The following RIMS1 variants were observed in gnomAD, a reference collection of about 807,000 sequenced individuals.
RIMS1 encodes regulating synaptic membrane exocytosis protein 1.
RIMS1 carries 83 observed loss-of-function variants against 214.1 expected under a neutral mutation model. That is an observed-to-expected ratio of 0.39 (90% CI 0.32 to 0.47). The LOEUF is 0.47. Among genes scored for constraint, RIMS1 ranks in the 20% least tolerant of loss-of-function variants. RIMS1 has a pLI of 0.99. For missense variants in RIMS1, 2,050 were observed against 2,161.8 expected (o/e 0.95, Z 1.03); for synonymous variants, 793 against 786.8 (o/e 1.01, Z -0.13).
intron 5 of RIMS1, among the ~76,000 whole-genome samples, chr6:72,180,530 T>C (rs2048270069): frequency 6.6e-6 from 1 of 152,234 alleles, no homozygotes; most frequent in African/African-American, 2.4e-5. Context: ...GGTTACATTT[T>C]ATAGCTTTTA....
chr6:72,184,752 C>A (rs2048857519), intron 6 of RIMS1, among the ~76,000 whole-genome samples: 1 of 105,524 alleles, frequency 9.5e-6, no homozygotes, highest in South Asian at 3.4e-4. Flanking sequence ...ATGCAAGGTG[C>A]TTTATTCTGG....
At chr6:72,262,364 C>T in intron 19 of RIMS1, 1 of 976,854 alleles carries the variant, frequency 1.0e-6, no homozygotes. Flanking sequence ...AGCAAATAAT[C>T]ATATTTGTAT....
intron 1 of RIMS1, among the ~76,000 whole-genome samples, chr6:71,890,177 G>GA (rs557305030): frequency 6.6e-6 from 1 of 151,768 alleles, no homozygotes; most frequent in Non-Finnish European, 1.5e-5. Flanking sequence ...TGTATAAATG[G>GA]AAAAAAATCA....
intron 23 of RIMS1, 102 bp from the exon 24 acceptor site, chr6:72,283,945 G>A: frequency 1.2e-6 from 1 of 822,752 alleles, no homozygotes; most frequent in Non-Finnish European, 2.0e-6. Context: ...AATCATTTAG[G>A]TAATATAGTT....
At chr6:72,237,706 A>T (rs2064835362) in intron 8 of RIMS1, 117 bp from the exon 9 acceptor site, 1 of 749,172 alleles carries the variant, frequency 1.3e-6, no homozygotes, top group Non-Finnish European at 2.2e-6. Flanking sequence ...TCACTTCATT[A>T]ATGTTTCTAC....
intron 1 of RIMS1, among the ~76,000 whole-genome samples, chr6:71,943,750 T>C (rs1356912279): frequency 6.6e-6 from 1 of 152,214 alleles, no homozygotes; most frequent in African/African-American, 2.4e-5. Flanking sequence ...ATAGTTATTT[T>C]GCTTCCAAAT....
chr6:72,066,613 T>C (rs1010180535), intron 2 of RIMS1, among the ~76,000 whole-genome samples: 6 of 152,202 alleles, frequency 3.9e-5, no homozygotes, highest in African/African-American at 1.4e-4. Context: ...TTCTCTTCTG[T>C]AAAACTGAGA....
At chr6:72,198,521 G>A (rs919135771) in intron 6 of RIMS1, among the ~76,000 whole-genome samples, 8 of 151,792 alleles carry the variant, frequency 5.3e-5, no homozygotes. Flanking sequence ...GGAGAGGGAT[G>A]GAAAAGAGAG....
At chr6:71,920,247 A>C (rs1429015269) in intron 1 of RIMS1, among the ~76,000 whole-genome samples, 1 of 152,188 alleles carries the variant, frequency 6.6e-6, no homozygotes, top group African/African-American at 2.4e-5. Flanking sequence ...TAGTATCCTG[A>C]ATTGGATTCT....
At chr6:72,346,824 A>G (rs1317599861) in intron 29 of RIMS1, among the ~76,000 whole-genome samples, 1 of 151,868 alleles carries the variant, frequency 6.6e-6, no homozygotes, top group African/African-American at 2.4e-5. Context: ...TCATTCATTT[A>G]CATGTTGTCT....
rs867794470 is a variant in RIMS1, at chr6:71,952,149, G to A, written c.165-16834G>A. ...GTGGAGTTGTTGGGAAACCTACGTG[G>A]GATTATTTATGGAACCCTAGGAAAA... On this transcript the variant is annotated intron_variant, in intron 1 of 33. Transcript: ENST00000521978. Among the ~76,000 whole-genome samples, 3 of 151,996 alleles carry A rather than the reference G, an allele frequency of 2.0e-5. No homozygotes were observed. The South Asian group carries it at 6.2e-4, about 32-fold the overall frequency.
At chr6:71,996,131 A>G (rs146354023) in intron 2 of RIMS1, among the ~76,000 whole-genome samples, 176 of 152,290 alleles carry the variant, frequency 1.2e-3, no homozygotes, top group Non-Finnish European at 2.0e-3. Context: ...TCATTTAACC[A>G]TAATTTAACC....
At chr6:72,262,334 A>C (rs1209958979) in intron 19 of RIMS1, 1 of 966,000 alleles carries the variant, frequency 1.0e-6, no homozygotes, top group East Asian at 1.1e-4. Context: ...CTGTATGTTG[A>C]CTTTGCATTT....
At chr6:71,896,820 TG>T (rs1186436318) in intron 1 of RIMS1, among the ~76,000 whole-genome samples, 1 of 152,178 alleles carries the variant, frequency 6.6e-6, no homozygotes, top group African/African-American at 2.4e-5. Context: ...GAATCTCAGA[TG>T]TTGGCGTTCT....
intron 27 of RIMS1, among the ~76,000 whole-genome samples, chr6:72,308,782 C>A (rs2095364399): frequency 6.6e-6 from 1 of 152,054 alleles, no homozygotes; most frequent in African/African-American, 2.4e-5. Context: ...AGCAAAATAA[C>A]CTGATGTCCC....
chr6:71,954,183 TATATG>T (rs1348645450), intron 1 of RIMS1, among the ~76,000 whole-genome samples: 1 of 152,232 alleles, frequency 6.6e-6, no homozygotes, highest in African/African-American at 2.4e-5. Context: ...TATCGTAAGA[TATATG>T]ATATAAGACA....
intron 4 of RIMS1, among the ~76,000 whole-genome samples, chr6:72,174,078 G>A (rs926434864): frequency 5.9e-5 from 9 of 152,052 alleles, no homozygotes; most frequent in African/African-American, 2.2e-4. Flanking sequence ...ATCTTCTCAT[G>A]GGTTCTGCAG....
At chr6:72,216,792 C>G (rs1342318494) in intron 6 of RIMS1, 12 of 990,348 alleles carry the variant, frequency 1.2e-5, no homozygotes, top group African/African-American at 7.0e-5. Context: ...CGTTTCATCT[C>G]TCTGGCTTCA....
chr6:72,189,420 G>A (rs1269950197), intron 6 of RIMS1, among the ~76,000 whole-genome samples: 1 of 152,164 alleles, frequency 6.6e-6, no homozygotes, highest in East Asian at 1.9e-4. Context: ...ATGTTGTGTG[G>A]AATACCATGA....
Sources: gnomAD v4.1 joint callset for allele counts (sites outside exome capture counted in the v4.1 genomes callset) on GRCh38, gnomAD v4.1.1 for gene constraint, MANE v1.5 for transcripts, NCBI Gene and HGNC (gene_info 2026-07-23, HGNC 2026-07-21) for gene names.